Variants in NR3C2 observed in about 807,000 individuals in gnomAD.
The protein encoded by NR3C2 is nuclear receptor subfamily 3 group C member 2, also known as mineralocorticoid receptor.
A neutral mutation model predicts 86.4 loss-of-function variants in NR3C2; 15 were observed. The ratio of observed to expected loss-of-function variants is 0.17; its 90% CI spans 0.12 to 0.27. NR3C2 has a LOEUF of 0.27. NR3C2 is among the 10% of genes least tolerant of loss of function. NR3C2 has a pLI of 1.00. For missense variants in NR3C2, 960 were observed against 1,195.6 expected (o/e 0.80, Z 2.91); for synonymous variants, 458 against 450.5 (o/e 1.02, Z -0.21).
At chr4:148,145,378 G>A (rs751920237) in intron 6 of NR3C2, among the ~76,000 whole-genome samples, 1 of 152,294 alleles carries the variant, frequency 6.6e-6, no homozygotes, top group East Asian at 1.9e-4. Context: ...GCAATCTCCC[G>A]GAAAGCATGC....
chr4:148,158,572 C>T (rs1242914544), intron 4 of NR3C2, among the ~76,000 whole-genome samples: 1 of 152,172 alleles, frequency 6.6e-6, no homozygotes, highest in Non-Finnish European at 1.5e-5. Flanking sequence ...TTAAGATGTT[C>T]TCATCCTTTA....
intron 2 of NR3C2, among the ~76,000 whole-genome samples, chr4:148,341,255 C>T (rs1744733912): frequency 6.6e-6 from 1 of 152,068 alleles, no homozygotes; most frequent in Admixed American, 6.6e-5. Context: ...GTGATACTAA[C>T]AGTGGAATAT....
At chr4:148,134,643 CTTT>C (rs1175816621) in intron 6 of NR3C2, among the ~76,000 whole-genome samples, 10 of 40,802 alleles carry the variant, frequency 2.5e-4, no homozygotes, top group Non-Finnish European at 3.8e-4. Context: ...CTCTCTCTCT[CTTT>C]TTTTTTTTTT....
intron 6 of NR3C2, among the ~76,000 whole-genome samples, chr4:148,151,680 C>A (rs888891686): frequency 6.6e-6 from 1 of 152,128 alleles, no homozygotes; most frequent in African/African-American, 2.4e-5. Context: ...TCTCATCTGC[C>A]TCCTCCCCTA....
chr4:148,235,090 A>C (rs1049952506), intron 3 of NR3C2, among the ~76,000 whole-genome samples: 2 of 152,154 alleles, frequency 1.3e-5, no homozygotes, highest in Non-Finnish European at 2.9e-5. Context: ...GGTCCTCATT[A>C]GAAACTATTT....
chr4:148,214,552 A>G (rs927216378), intron 3 of NR3C2, among the ~76,000 whole-genome samples: 1 of 152,172 alleles, frequency 6.6e-6, no homozygotes, highest in Non-Finnish European at 1.5e-5. Flanking sequence ...AATTACCTAT[A>G]ACTAAGAAAA....
chr4:148,379,020 A>G (rs1037994685), intron 2 of NR3C2, among the ~76,000 whole-genome samples: 2 of 152,216 alleles, frequency 1.3e-5, no homozygotes, highest in Non-Finnish European at 2.9e-5. Context: ...AAGAAGGAAG[A>G]GCAAACAAAG....
At chr4:148,164,014 A>G (rs893466051) in intron 4 of NR3C2, among the ~76,000 whole-genome samples, 4 of 152,196 alleles carry the variant, frequency 2.6e-5, no homozygotes, top group South Asian at 2.1e-4. Flanking sequence ...GACAGCTAAA[A>G]TGGCTTTTCT....
chr4:148,433,515 T>C (rs1446391092), intron 2 of NR3C2, among the ~76,000 whole-genome samples: 1 of 152,198 alleles, frequency 6.6e-6, no homozygotes, highest in African/African-American at 2.4e-5. Context: ...AATTTCATAA[T>C]AGCAAAACAT....
intron 2 of NR3C2, among the ~76,000 whole-genome samples, chr4:148,385,110 A>C (rs764405124): frequency 7.9e-5 from 12 of 152,346 alleles, no homozygotes; most frequent in Non-Finnish European, 1.5e-4. Flanking sequence ...ATCATGGCTA[A>C]GGAGATCTTC....
At chr4:148,218,821 C>A (rs1737682615) in intron 3 of NR3C2, among the ~76,000 whole-genome samples, 1 of 152,188 alleles carries the variant, frequency 6.6e-6, no homozygotes, top group East Asian at 1.9e-4. Flanking sequence ...GAGGTTCACT[C>A]ATGTTGCAGT....
At chr4:148,369,200 T>C (rs1463306130) in intron 2 of NR3C2, among the ~76,000 whole-genome samples, 1 of 152,232 alleles carries the variant, frequency 6.6e-6, no homozygotes, top group East Asian at 1.9e-4. Context: ...AGGGCAAATA[T>C]CTAACTCATG....
At chr4:148,232,585 T>A (rs1157051532) in intron 3 of NR3C2, among the ~76,000 whole-genome samples, 14 of 152,184 alleles carry the variant, frequency 9.2e-5, no homozygotes, top group Admixed American at 9.2e-4. Context: ...ATTTTTGGAA[T>A]CCTGGCTTTA....
chr4:148,228,529 T>C (rs1424466704), intron 3 of NR3C2, among the ~76,000 whole-genome samples: 1 of 152,198 alleles, frequency 6.6e-6, no homozygotes. Context: ...TTTTAAGCTA[T>C]ATATATAAAT....
rs1743333987 is a variant in NR3C2, at chr4:148,318,303, CTT to C, written c.1758-58188_1758-58187del. On this transcript the variant is annotated intron_variant, in intron 2 of 8. Transcript: ENST00000358102. ...TTGGACATTTGGGTTCGTTCCAAGT[CTT>C]TGCTATTGTGAATAATGCCGCAATA... Among the ~76,000 whole-genome samples, 12 of 151,804 alleles carry C rather than the reference CTT, an allele frequency of 7.9e-5. No individual in the cohort carries two copies. The South Asian group carries it at 2.5e-3, about 32-fold the overall frequency.
chr4:148,137,252 A>G (rs562007554), intron 6 of NR3C2, among the ~76,000 whole-genome samples: 11 of 152,168 alleles, frequency 7.2e-5, no homozygotes, highest in Middle Eastern at 3.2e-3. Flanking sequence ...AGAGAAATGC[A>G]GTATAACGAA....
At chr4:148,110,993 A>G (rs1245562841) in intron 8 of NR3C2, among the ~76,000 whole-genome samples, 1 of 152,196 alleles carries the variant, frequency 6.6e-6, no homozygotes, top group East Asian at 1.9e-4. Context: ...CATCAACTGG[A>G]CTTCGTTAAA....
At chr4:148,351,063 ATTTTTAACACTTAAATAGTG>A (rs72012863) in intron 2 of NR3C2, among the ~76,000 whole-genome samples, 17,718 of 152,238 alleles carry the variant, frequency 0.12, 1,103 homozygotes, top group Middle Eastern at 0.16. Context: ...CTGTGTTTCA[ATTTTTAACACTTAAATAGTG>A]TTGCATATGC....
At chr4:148,388,036 C>A (rs1190347372) in intron 2 of NR3C2, among the ~76,000 whole-genome samples, 1 of 152,168 alleles carries the variant, frequency 6.6e-6, no homozygotes, top group African/African-American at 2.4e-5. Context: ...CATTCTTGAG[C>A]TACCCAAGAA....
Sources: allele counts gnomAD v4.1 joint callset (sites outside exome capture counted in the v4.1 genomes callset), GRCh38; gene constraint gnomAD v4.1.1; transcripts MANE v1.5; gene names NCBI Gene and HGNC (gene_info 2026-07-23, HGNC 2026-07-21).